The following NMNAT2 variants were observed in gnomAD, a reference collection of about 807,000 sequenced individuals.
NMNAT2 encodes the protein nicotinamide nucleotide adenylyltransferase 2.
NMNAT2 carries 11 observed loss-of-function variants against 41.6 expected under a neutral mutation model. The observed-to-expected ratio is 0.26, with a 90% CI of 0.17 to 0.44. The LOEUF (loss-of-function observed/expected upper bound fraction) is 0.44, where lower values mean the gene tolerates loss of function less well. NMNAT2 is among the 20% of genes least tolerant of loss of function. The pLI, the probability that NMNAT2 is intolerant of heterozygous loss-of-function variation, is 1.00. For missense variants in NMNAT2, 288 were observed against 407.7 expected (o/e 0.71, Z 2.53); for synonymous variants, 148 against 151.2 (o/e 0.98, Z 0.16).
At chr1:183,404,776 T>C (rs769944089) in intron 1 of NMNAT2, among the ~76,000 whole-genome samples, 2 of 152,198 alleles carry the variant, frequency 1.3e-5, no homozygotes, top group Non-Finnish European at 2.9e-5. Flanking sequence ...GAAGCATTAT[T>C]ATATCTGCTC....
chr1:183,278,485 A>G, intron 8 of NMNAT2, 68 bp downstream of exon 8: 1 of 1,148,174 alleles, frequency 8.7e-7, no homozygotes, highest in Non-Finnish European at 1.3e-6. Context: ...CAGGAGGCCA[A>G]AATCAAATGC....
rs915804825 is a variant in NMNAT2, at chr1:183,295,840, G to A, written c.86-2047C>T. The stretch of plus-strand genomic sequence containing the variant: ...GTTCCTCCATGTCTTTTCATGGCTC[G>A]ATAGCTCATTTCTTTCTTTTTCTTT... On this transcript the variant is annotated intron_variant, in intron 1 of 10. Coordinates refer to ENST00000287713, the MANE Select transcript of NMNAT2 (RefSeq NM_015039.4). 5.3e-5 allele frequency among the ~76,000 whole-genome samples: 8 copies of A among 152,004 alleles called. No individual in the cohort carries two copies. The East Asian group carries it at 5.8e-4, about 11-fold the overall frequency.
At chr1:183,287,340 C>T (rs930556819) in intron 4 of NMNAT2, among the ~76,000 whole-genome samples, 1 of 152,196 alleles carries the variant, frequency 6.6e-6, no homozygotes, top group Non-Finnish European at 1.5e-5. Flanking sequence ...CCTGCGGCCT[C>T]TTTGGGCCAG....
At chr1:183,321,707 C>T (rs187804205) in intron 1 of NMNAT2, among the ~76,000 whole-genome samples, 8 of 151,410 alleles carry the variant, frequency 5.3e-5, no homozygotes, top group African/African-American at 1.9e-4. Context: ...GCACTTCAGC[C>T]TGGGCAACAG....
intron 1 of NMNAT2, among the ~76,000 whole-genome samples, chr1:183,414,410 C>T (rs868049387): frequency 6.6e-6 from 1 of 152,310 alleles, no homozygotes; most frequent in South Asian, 2.1e-4. Flanking sequence ...TCTCTGACTT[C>T]CCAGTGGTAG....
intron 1 of NMNAT2, among the ~76,000 whole-genome samples, chr1:183,329,344 T>C (rs116596494): frequency 0.013 from 1,982 of 152,296 alleles, 29 homozygotes; most frequent in Middle Eastern, 0.075. Flanking sequence ...TATCTTAGCA[T>C]TGAGGAAATA....
At chr1:183,368,344 C>T (rs1421620858) in intron 1 of NMNAT2, among the ~76,000 whole-genome samples, 2 of 152,266 alleles carry the variant, frequency 1.3e-5, no homozygotes, top group East Asian at 3.9e-4. Flanking sequence ...CAGTGGACTA[C>T]AGAGGGTTCC....
chr1:183,391,467 C>T (rs936817312), intron 1 of NMNAT2, among the ~76,000 whole-genome samples: 3 of 152,152 alleles, frequency 2.0e-5, no homozygotes, highest in Admixed American at 6.5e-5. Context: ...TTGCCCCATC[C>T]GTTCTTCCAT....
At chr1:183,366,061 G>T (rs1247791052) in intron 1 of NMNAT2, among the ~76,000 whole-genome samples, 7 of 152,034 alleles carry the variant, frequency 4.6e-5, no homozygotes, top group African/African-American at 7.3e-5. Flanking sequence ...TACACCCTGG[G>T]GTAAACTACA....
chr1:183,313,114 A>ACACG (rs1662163232), intron 1 of NMNAT2, among the ~76,000 whole-genome samples: 1 of 151,340 alleles, frequency 6.6e-6, no homozygotes, highest in Non-Finnish European at 1.5e-5. Context: ...TCCTCCCCCA[A>ACACG]CACGCACGCA....
chr1:183,357,212 T>C (rs1472203354), intron 1 of NMNAT2, among the ~76,000 whole-genome samples: 1 of 137,378 alleles, frequency 7.3e-6, no homozygotes, highest in Non-Finnish European at 1.6e-5. Context: ...AAGAGAGACA[T>C]CAAATTCTTT....
rs953510222 is a variant in NMNAT2, at chr1:183,418,351, G to A, written c.-84C>T. 5.1e-6 allele frequency: 7 copies of A among 1,367,016 alleles called. No homozygotes were observed. Among genetic ancestry groups the A allele is most frequent in the Non-Finnish European group, 6.3e-6 (6 of 958,744 alleles). The allele number at this position is 1,367,016 out of a possible 1,614,324, so 84.7% of individuals were successfully genotyped here. A position where few individuals can be genotyped will look rare whatever the true frequency, so the allele number is the denominator to read the frequency against. ...TGTCTGCAGAGGGAGAAAGGAAGGC[G>A]AGGCTCCGGCGGTGGATGCTGTGGA... On this transcript the variant is annotated 5_prime_UTR_variant, in exon 1 of 11. Coordinates refer to ENST00000287713, the MANE Select transcript of NMNAT2 (RefSeq NM_015039.4).
intron 1 of NMNAT2, among the ~76,000 whole-genome samples, chr1:183,356,562 C>T (rs1263616154): frequency 6.6e-6 from 1 of 152,224 alleles, no homozygotes; most frequent in Non-Finnish European, 1.5e-5. Flanking sequence ...TAAACTTGTG[C>T]TTGGACCTGA....
chr1:183,395,163 A>T (rs144969166), intron 1 of NMNAT2, among the ~76,000 whole-genome samples: 1 of 152,152 alleles, frequency 6.6e-6, no homozygotes, highest in Non-Finnish European at 1.5e-5. Flanking sequence ...TAAAAACTCC[A>T]TATGTGAAAG....
At chr1:183,367,805 G>A (rs1663447194) in intron 1 of NMNAT2, among the ~76,000 whole-genome samples, 1 of 152,122 alleles carries the variant, frequency 6.6e-6, no homozygotes, top group African/African-American at 2.4e-5. Context: ...AAATGAAGAT[G>A]CAATAAAAAT....
chr1:183,330,149 G>A (rs1364387469), intron 1 of NMNAT2, among the ~76,000 whole-genome samples: 5 of 152,174 alleles, frequency 3.3e-5, no homozygotes, highest in African/African-American at 9.7e-5. Flanking sequence ...GCTACTTAGC[G>A]GCTTTATGCC....
chr1:183,263,216 C>A (rs990051045), intron 8 of NMNAT2, among the ~76,000 whole-genome samples: 1 of 152,152 alleles, frequency 6.6e-6, no homozygotes, highest in Admixed American at 6.5e-5. Flanking sequence ...AGTTAAAAAG[C>A]TAGGTGTAGA....
intron 1 of NMNAT2, among the ~76,000 whole-genome samples, chr1:183,328,220 CCCTGGCTT>C (rs1197617414): frequency 2.6e-5 from 4 of 152,134 alleles, no homozygotes; most frequent in African/African-American, 9.6e-5. Context: ...CAGGCCAGGA[CCCTGGCTT>C]CCTGGCTCCC....
At chr1:183,391,502 A>G (rs1014232674) in intron 1 of NMNAT2, among the ~76,000 whole-genome samples, 1 of 151,926 alleles carries the variant, frequency 6.6e-6, no homozygotes, top group Admixed American at 6.6e-5. Flanking sequence ...TCCCATCTGC[A>G]TAAAAGCATG....
Sources: allele counts gnomAD v4.1 joint callset (sites outside exome capture counted in the v4.1 genomes callset), GRCh38; gene constraint gnomAD v4.1.1; transcripts MANE v1.5; gene names NCBI Gene and HGNC (gene_info 2026-07-23, HGNC 2026-07-21).